The following NRG1 variants were observed in gnomAD, a reference collection of about 807,000 sequenced individuals.
NRG1 encodes the protein neuregulin 1.
NRG1 carries 18 observed loss-of-function variants against 63.8 expected under a neutral mutation model. The ratio of observed to expected loss-of-function variants is 0.28; its 90% CI spans 0.19 to 0.42. NRG1 has a LOEUF of 0.42. NRG1 is among the 10% of genes least tolerant of loss of function. The pLI, the probability that NRG1 is intolerant of heterozygous loss-of-function variation, is 1.00. For missense variants in NRG1, 762 were observed against 814.7 expected (o/e 0.94, Z 0.79); for synonymous variants, 302 against 301.3 (o/e 1.00, Z -0.02).
intron 1 of NRG1, among the ~76,000 whole-genome samples, chr8:32,191,604 T>C (rs897870204): frequency 8.5e-5 from 13 of 152,248 alleles, no homozygotes; most frequent in Non-Finnish European, 4.4e-5. Context: ...GCTTCAGTTA[T>C]GTGATCAACC....
intron 1 of NRG1, among the ~76,000 whole-genome samples, chr8:32,212,604 A>C (rs1563914902): frequency 6.6e-6 from 1 of 152,212 alleles, no homozygotes; most frequent in Non-Finnish European, 1.5e-5. Flanking sequence ...TATATAAACC[A>C]GATTTTATTT....
At chr8:32,763,335 C>T in intron 11 of NRG1, 2 of 1,614,022 alleles carry the variant, frequency 1.2e-6, no homozygotes, top group South Asian at 1.1e-5. Context: ...GCTTCATTCT[C>T]TAAGACCCCT....
chr8:32,515,307 G>A (rs1042225767), intron 1 of NRG1, among the ~76,000 whole-genome samples: 1 of 152,062 alleles, frequency 6.6e-6, no homozygotes, highest in Admixed American at 6.6e-5. Context: ...TCTGACTGGT[G>A]TGAGGTGGTA....
intron 5 of NRG1, among the ~76,000 whole-genome samples, chr8:32,677,731 A>C (rs1013885574): frequency 7.2e-5 from 11 of 152,204 alleles, no homozygotes; most frequent in Non-Finnish European, 2.9e-5. Flanking sequence ...AGATACTTTA[A>C]AAATACTCCT....
At chr8:32,350,873 C>T (rs1223812439) in intron 1 of NRG1, among the ~76,000 whole-genome samples, 1 of 152,126 alleles carries the variant, frequency 6.6e-6, no homozygotes. Flanking sequence ...CCACGTCTGT[C>T]CAGATCAGCG....
At chr8:31,773,146 T>C (rs1818796203) in intron 1 of NRG1, among the ~76,000 whole-genome samples, 1 of 152,196 alleles carries the variant, frequency 6.6e-6, no homozygotes, top group South Asian at 2.1e-4. Flanking sequence ...AAACTTGCTC[T>C]GGTATTGGCC....
At chr8:32,275,586 G>A (rs561774192) in intron 1 of NRG1, among the ~76,000 whole-genome samples, 1 of 152,214 alleles carries the variant, frequency 6.6e-6, no homozygotes, top group Admixed American at 6.5e-5. Context: ...TGCTTGGCAG[G>A]TTGAGTGTCC....
intron 1 of NRG1, among the ~76,000 whole-genome samples, chr8:31,835,491 G>C (rs556671766): frequency 1.2e-3 from 178 of 152,190 alleles, no homozygotes; most frequent in Non-Finnish European, 2.0e-3. Flanking sequence ...TAGTATAGAC[G>C]CTTGATATTT....
At chr8:31,803,897 C>A (rs1408910876) in intron 1 of NRG1, among the ~76,000 whole-genome samples, 1 of 152,144 alleles carries the variant, frequency 6.6e-6, no homozygotes, top group Non-Finnish European at 1.5e-5. Context: ...ATCTCAGGGC[C>A]TAAGTGTTTG....
In NRG1 at chr8:32,562,530, T is replaced by C. The variant is rs114184758; in HGVS notation, c.100+13704T>C. ...TCCCAAAGTGCTGGGATTATAGGCA[T>C]GAACCACTGTGCCTGGCTTGCCAGT... is the stretch of plus-strand genomic sequence containing the variant. On this transcript the variant is annotated intron_variant, in intron 1 of 11. Coordinates refer to ENST00000356819, the Ensembl canonical transcript of NRG1. 3.2e-3 allele frequency among the ~76,000 whole-genome samples: 492 copies of C among 152,284 alleles called. 4 individuals are homozygous for C. Among genetic ancestry groups the C allele is most frequent in the African/African-American group, 0.011 (478 of 41,566 alleles).
At chr8:32,093,655 G>A (rs1476580396) in intron 1 of NRG1, among the ~76,000 whole-genome samples, 2 of 152,206 alleles carry the variant, frequency 1.3e-5, no homozygotes, top group Non-Finnish European at 2.9e-5. Flanking sequence ...CTGTTTACCA[G>A]AAGTGTTGCT....
chr8:31,978,882 C>G (rs1808624041), intron 1 of NRG1, among the ~76,000 whole-genome samples: 1 of 152,096 alleles, frequency 6.6e-6, no homozygotes, highest in South Asian at 2.1e-4. Context: ...CTGTCTATTG[C>G]CAACCCCTAG....
intron 1 of NRG1, among the ~76,000 whole-genome samples, chr8:32,133,768 G>T (rs1835154968): frequency 1.3e-5 from 2 of 152,042 alleles, no homozygotes; most frequent in South Asian, 4.2e-4. Flanking sequence ...AGAAGTGGAG[G>T]CAGCAGGCTA....
intron 1 of NRG1, among the ~76,000 whole-genome samples, chr8:32,251,247 C>T (rs571721961): frequency 6.6e-6 from 1 of 152,076 alleles, no homozygotes; most frequent in African/African-American, 2.4e-5. Flanking sequence ...GTGATGTTCC[C>T]CTCCCTGTGT....
intron 1 of NRG1, among the ~76,000 whole-genome samples, chr8:31,776,139 T>C (rs1819110901): frequency 6.6e-6 from 1 of 152,154 alleles, no homozygotes; most frequent in South Asian, 2.1e-4. Context: ...TTTTAGGTTT[T>C]GTCATTTTGT....
intron 1 of NRG1, among the ~76,000 whole-genome samples, chr8:31,824,774 A>G (rs4733277): frequency 0.97 from 147,165 of 152,270 alleles, 71,300 homozygotes; most frequent in East Asian, 1. Flanking sequence ...TTCACATTAG[A>G]CATTTGTTAA....
At chr8:31,712,444 A>G (rs1314339251) in intron 1 of NRG1, among the ~76,000 whole-genome samples, 1 of 151,300 alleles carries the variant, frequency 6.6e-6, no homozygotes, top group South Asian at 2.1e-4. Context: ...AATTTTTTGT[A>G]TTTTTAGTAG....
At chr8:31,706,281 C>A (rs943170648) in intron 1 of NRG1, among the ~76,000 whole-genome samples, 1 of 152,090 alleles carries the variant, frequency 6.6e-6, no homozygotes, top group Non-Finnish European at 1.5e-5. Flanking sequence ...TATTCTCCTA[C>A]TTTTTACAAA....
chr8:32,180,128 C>T (rs935060723), intron 1 of NRG1, among the ~76,000 whole-genome samples: 1 of 152,014 alleles, frequency 6.6e-6, no homozygotes, highest in African/African-American at 2.4e-5. Flanking sequence ...CATCTAATTC[C>T]TTCTCAGGTC....
Sources: allele counts gnomAD v4.1 joint callset (sites outside exome capture counted in the v4.1 genomes callset), GRCh38; gene constraint gnomAD v4.1.1; transcripts MANE v1.5; gene names NCBI Gene and HGNC (gene_info 2026-07-23, HGNC 2026-07-21).